The following FMNL2 variants were observed in gnomAD, a reference collection of about 807,000 sequenced individuals.
The protein encoded by FMNL2 is formin like 2.
FMNL2 carries 51 observed loss-of-function variants against 130.2 expected under a neutral mutation model. That is an observed-to-expected ratio of 0.39 (90% CI 0.31 to 0.49). The LOEUF is 0.49. Ranked by LOEUF, FMNL2 falls within the 20% of genes least tolerant of loss-of-function variation. The pLI, the probability that FMNL2 is intolerant of heterozygous loss-of-function variation, is 0.85. For synonymous variants in FMNL2, 465 were observed against 467.1 expected, an observed-to-expected ratio of 1.00 and a Z score of 0.06; for missense variants, 977 against 1,316.2, an observed-to-expected ratio of 0.74 and a Z score of 3.99.
At chr2:152,346,694 C>T (rs1682142955) in intron 1 of FMNL2, among the ~76,000 whole-genome samples, 1 of 152,134 alleles carries the variant, frequency 6.6e-6, no homozygotes, top group African/African-American at 2.4e-5. Context: ...TTGATTTCCT[C>T]TGATGTTTCT....
intron 1 of FMNL2, among the ~76,000 whole-genome samples, chr2:152,396,301 C>T (rs78691655): frequency 0.074 from 11,264 of 152,244 alleles, 644 homozygotes; most frequent in Admixed American, 0.2. Context: ...ATATACTATA[C>T]TTGCTATTTG....
chr2:152,638,952 T>C (rs141742214), intron 23 of FMNL2, among the ~76,000 whole-genome samples: 2 of 152,334 alleles, frequency 1.3e-5, no homozygotes, highest in East Asian at 3.9e-4. Context: ...AGCAGGGATA[T>C]GCGTGGAGCA....
intron 1 of FMNL2, among the ~76,000 whole-genome samples, chr2:152,361,134 G>A (rs1417847418): frequency 6.6e-6 from 1 of 152,114 alleles, no homozygotes; most frequent in African/African-American, 2.4e-5. Context: ...CCAGGTAAAA[G>A]CATTTATATG....
chr2:152,422,678 A>G (rs1031710185), intron 1 of FMNL2, among the ~76,000 whole-genome samples: 1 of 152,028 alleles, frequency 6.6e-6, no homozygotes, highest in Non-Finnish European at 1.5e-5. Flanking sequence ...ACAGGCATGC[A>G]CCATCACGCC....
intron 9 of FMNL2, among the ~76,000 whole-genome samples, chr2:152,599,944 T>C (rs1381077567): frequency 6.6e-6 from 1 of 152,148 alleles, no homozygotes; most frequent in African/African-American, 2.4e-5. Flanking sequence ...GGTGTATGTG[T>C]ATGAAATGTC....
At chr2:152,414,401 G>C (rs575118116) in intron 1 of FMNL2, among the ~76,000 whole-genome samples, 1 of 152,208 alleles carries the variant, frequency 6.6e-6, no homozygotes, top group African/African-American at 2.4e-5. Flanking sequence ...TGCTGAACCT[G>C]TTTGTAACTT....
intron 1 of FMNL2, among the ~76,000 whole-genome samples, chr2:152,393,274 A>G (rs1004818379): frequency 6.6e-6 from 1 of 152,242 alleles, no homozygotes; most frequent in Non-Finnish European, 1.5e-5. Context: ...TCTTAATTTC[A>G]GATACATTAA....
At position 152,604,247 on chromosome 2, in the gene FMNL2, G is replaced by A. The variant is rs566263309; in HGVS notation, c.877-3092G>A. 8.0e-4 allele frequency among the ~76,000 whole-genome samples: 121 copies of A among 150,990 alleles called. 6 individuals carry two copies. In the South Asian group the frequency reaches 0.011, roughly 13 times the overall value. ...GAGAAGGAACCTCAGGCTGGCCATC[G>A]GGGACCTGGTTCTAGCCTTGGTTCT... On this transcript the variant is annotated intron_variant, in intron 9 of 25. Coordinates refer to ENST00000288670, the MANE Select transcript of FMNL2 (RefSeq NM_052905.4).
At chr2:152,599,403 A>ATTTTT (rs1407347624) in intron 9 of FMNL2, among the ~76,000 whole-genome samples, 5 of 57,446 alleles carry the variant, frequency 8.7e-5, no homozygotes, top group East Asian at 1.3e-3. Flanking sequence ...ATTGAAGGTC[A>ATTTTT]TCTTTTTTTT....
At chr2:152,529,347 C>T (rs1294348874) in intron 2 of FMNL2, among the ~76,000 whole-genome samples, 3 of 151,914 alleles carry the variant, frequency 2.0e-5, no homozygotes, top group South Asian at 2.1e-4. Context: ...GGCTGTGGGA[C>T]GAGGTTATTT....
Position 152,647,886 on chromosome 2 carries a change from G to T in FMNL2, c.3260G>T (p.Gly1087Val), listed in dbSNP as rs368904283. Residue 1087 changes from glycine to valine, a missense_variant, in exon 26 of 26, where the codon GGT becomes GTT. Physicochemically the swap from Gly to Val is moderately radical, Grantham distance 109. Around this residue, in one of 4 missense-constraint regions of FMNL2, gnomAD observed 168 missense variants for 168.8 expected, o/e 1.00. Coordinates refer to ENST00000288670, the MANE Select transcript of FMNL2 (RefSeq NM_052905.4). ...GATCAGAACTTGCGTTCTGTTAATG[G>T]TGCCGAAATAACAATGTGAACCTGA... ...FDDQNLRSVN[G>V]AEITM 6.2e-7 allele frequency: 1 copy of T among 1,613,408 alleles called. No individual in the cohort carries two copies.
At chr2:152,594,544 G>A (rs1299568413) in intron 9 of FMNL2, among the ~76,000 whole-genome samples, 4 of 152,114 alleles carry the variant, frequency 2.6e-5, no homozygotes, top group South Asian at 2.1e-4. Flanking sequence ...GTCTAAGGAC[G>A]TCGCTGTTTC....
intron 1 of FMNL2, among the ~76,000 whole-genome samples, chr2:152,412,370 G>A (rs1018184231): frequency 2.0e-4 from 30 of 148,406 alleles, no homozygotes; most frequent in Non-Finnish European, 2.8e-4. Flanking sequence ...GTGGAATGCC[G>A]TTTAGAGGGA....
intron 6 of FMNL2, among the ~76,000 whole-genome samples, chr2:152,567,068 T>C (rs1695885167): frequency 6.6e-6 from 1 of 152,180 alleles, no homozygotes. Context: ...ATTTTGTTGG[T>C]TTTTGAAAAG....
chr2:152,622,129 G>T (rs777811618), intron 15 of FMNL2, among the ~76,000 whole-genome samples: 1 of 152,124 alleles, frequency 6.6e-6, no homozygotes, highest in Non-Finnish European at 1.5e-5. Context: ...CCTTTCCCCC[G>T]GTAGGTCACC....
chr2:152,384,103 T>C (rs1254623823), intron 1 of FMNL2, among the ~76,000 whole-genome samples: 1 of 152,186 alleles, frequency 6.6e-6, no homozygotes, highest in East Asian at 1.9e-4. Flanking sequence ...TTTGTGTATA[T>C]TTATCTTTTT....
intron 6 of FMNL2, among the ~76,000 whole-genome samples, chr2:152,566,506 G>A (rs1427942581): frequency 1.3e-5 from 2 of 152,132 alleles, no homozygotes; most frequent in African/African-American, 2.4e-5. Context: ...GATCTGAATT[G>A]AAGTGGCTTA....
At chr2:152,364,392 G>A (rs1309135282) in intron 1 of FMNL2, among the ~76,000 whole-genome samples, 1 of 151,328 alleles carries the variant, frequency 6.6e-6, no homozygotes, top group East Asian at 2.0e-4. Flanking sequence ...AACCTAAGGG[G>A]TGAATGAAAA....
Position 152,614,752 on chromosome 2 carries a change from CA to C in FMNL2, c.1063-95del, listed in dbSNP as rs1698859723. Reference sequence around the variant, plus strand: ...AGTGAAACTCCATCTCAAAACAAAACAAAACAAAACAAAAAACAAAAAAGAC... The same window carrying C: ...AGTGAAACTCCATCTCAAAACAAAACAAACAAAACAAAAAACAAAAAAGAC... On this transcript the variant is annotated intron_variant, in intron 11 of 25. Transcript: ENST00000288670. The C allele has an allele frequency of 5.9e-6, 8 of 1,352,602 alleles. No homozygotes were observed. In the South Asian group the frequency reaches 1.2e-4, roughly 21 times the overall value. The allele number at this position is 1,352,602 out of a possible 1,614,324, so 83.8% of individuals were successfully genotyped here.
Sources: gnomAD v4.1 joint callset for allele counts (sites outside exome capture counted in the v4.1 genomes callset) on GRCh38, gnomAD v4.1.1 for gene constraint, gnomAD v4.1.1 regional missense constraint, MANE v1.5 for transcripts, NCBI Gene and HGNC (gene_info 2026-07-23, HGNC 2026-07-21) for gene names.